Variants in ZIM2 observed in about 807,000 individuals in gnomAD.
ZIM2 encodes the protein zinc finger protein 656.
A neutral mutation model predicts 38.6 loss-of-function variants in ZIM2; 14 were observed. The ratio of observed to expected loss-of-function variants is 0.36; its 90% confidence interval spans 0.24 to 0.57. The LOEUF (loss-of-function observed/expected upper bound fraction) is 0.57. Among genes scored for constraint, ZIM2 ranks in the 20% least tolerant of loss-of-function variants. The probability of loss-of-function intolerance (pLI) is 0.81; values close to 1 mark genes in which losing one functional copy is unlikely to be tolerated. For missense variants in ZIM2, 680 were observed against 695.1 expected, an observed-to-expected ratio of 0.98 and a Z score of 0.24; for synonymous variants, 247 against 245.8, an observed-to-expected ratio of 1.00 and a Z score of -0.04.
chr19:56,775,146 T>G lies in ZIM2; in HGVS notation c.1219A>C (p.Lys407Gln), dbSNP rs2145814527. The G allele has an allele frequency of 6.2e-7, 1 of 1,614,194 alleles. No individual in the cohort carries two copies. Among genetic ancestry groups the G allele is most frequent in the Non-Finnish European group, 8.5e-7 (1 of 1,180,038 alleles). The stretch of plus-strand genomic sequence containing the variant: ...GAAGTCTTCCTACCAGAATGGGTCT[T>G]CTGATGTCTGTTGAGGTGTGGCATG... ...YLMPHLNRHQKTHSGRKTSGC... is the reference protein window; with the variant it reads ...YLMPHLNRHQQTHSGRKTSGC... Residue 407 changes from lysine to glutamine, a missense_variant, in exon 13 of 13, where the codon AAG (lysine) becomes CAG (glutamine). Physicochemically the swap from Lys to Gln is moderately conservative, Grantham distance 53. Transcript: ENST00000629319.
chr19:56,829,487 A>T (rs928321297), intron 2 of ZIM2, among the ~76,000 whole-genome samples: 1 of 152,244 alleles, frequency 6.6e-6, no homozygotes, highest in Non-Finnish European at 1.5e-5. Flanking sequence ...GGAAGGGACG[A>T]GCACCACTGA....
chr19:56,794,504 G>A (rs2047095067), intron 9 of ZIM2, among the ~76,000 whole-genome samples: 3 of 152,090 alleles, frequency 2.0e-5, no homozygotes, highest in Non-Finnish European at 4.4e-5. Flanking sequence ...AAATCATAAC[G>A]TAATGAACAT....
At chr19:56,786,932 G>A (rs982415610) in intron 10 of ZIM2, among the ~76,000 whole-genome samples, 10 of 152,186 alleles carry the variant, frequency 6.6e-5, no homozygotes, top group African/African-American at 2.4e-4. Context: ...CACCTCCTGG[G>A]TTCAAGCAAT....
chr19:56,801,249 A>C (rs1016652291), intron 9 of ZIM2, among the ~76,000 whole-genome samples: 7 of 152,000 alleles, frequency 4.6e-5, no homozygotes, highest in South Asian at 2.1e-4. Flanking sequence ...TTATGGTATT[A>C]ATTTACTATT....
At chr19:56,819,452 G>A (rs922759966) in intron 7 of ZIM2, among the ~76,000 whole-genome samples, 8 of 152,308 alleles carry the variant, frequency 5.3e-5, no homozygotes, top group African/African-American at 1.9e-4. Context: ...AAGGACCTTT[G>A]CTTATTGCCA....
chr19:56,784,791 T>C (rs2046509981), intron 10 of ZIM2, among the ~76,000 whole-genome samples: 4 of 152,182 alleles, frequency 2.6e-5, no homozygotes, highest in African/African-American at 7.2e-5. Context: ...TCATTTACAC[T>C]CTAAAATTTT....
intron 11 of ZIM2, among the ~76,000 whole-genome samples, chr19:56,780,924 A>G (rs1164962099): frequency 6.6e-6 from 1 of 152,210 alleles, no homozygotes; most frequent in African/African-American, 2.4e-5. Flanking sequence ...TTAGGAAGAC[A>G]ATGTCCCAGG....
intron 8 of ZIM2, among the ~76,000 whole-genome samples, chr19:56,818,109 T>C (rs2060146619): frequency 1.3e-5 from 2 of 152,246 alleles, no homozygotes; most frequent in Non-Finnish European, 2.9e-5. Context: ...AGTCTTCACC[T>C]TCTTGTAACC....
At chr19:56,808,271 T>A (rs2047855954) in intron 9 of ZIM2, among the ~76,000 whole-genome samples, 2 of 152,202 alleles carry the variant, frequency 1.3e-5, no homozygotes, top group African/African-American at 4.8e-5. Context: ...AATTCACCCT[T>A]TGGCTTTGTG....
At chr19:56,840,014 A>G (rs1332471918) in intron 1 of ZIM2, among the ~76,000 whole-genome samples, 2 of 152,062 alleles carry the variant, frequency 1.3e-5, no homozygotes, top group Non-Finnish European at 2.9e-5. Flanking sequence ...TCCCACCACC[A>G]CTGCGGCAAA....
chr19:56,819,809 T>C (rs529121216), intron 7 of ZIM2, among the ~76,000 whole-genome samples: 2 of 152,212 alleles, frequency 1.3e-5, no homozygotes, highest in East Asian at 3.9e-4. Flanking sequence ...AAATCTACCA[T>C]AGTTCTATTG....
chr19:56,814,443 T>C lies in ZIM2; in HGVS notation c.490+3303A>G, dbSNP rs2146143904. 6.2e-7 allele frequency: 1 copy of C among 1,614,038 alleles called. No individual in the cohort carries two copies. Among genetic ancestry groups the C allele is most frequent in the South Asian group, 1.1e-5 (1 of 91,082 alleles). On this transcript the variant is annotated intron_variant, in intron 9 of 12. Coordinates refer to ENST00000629319, the MANE Select transcript of ZIM2 (RefSeq NM_001387356.1). This position sits in a 1 kb window ranked among gnomAD's most constrained non-coding sequence, Gnocchi z 5.8. ...TAAAGGACTTACCACAATCCTTGCA[T>C]TCATAGAATGGTATAGCTCCTTTGA...
At chr19:56,822,882 A>T in intron 5 of ZIM2, 46 bp from the exon 6 acceptor site, 2 of 1,590,604 alleles carry the variant, frequency 1.3e-6, no homozygotes, top group Middle Eastern at 3.3e-4. Context: ...TCTTTGACAC[A>T]CCTGTTTTCC....
chr19:56,796,405 T>A (rs1447782724), intron 9 of ZIM2, among the ~76,000 whole-genome samples: 2 of 152,010 alleles, frequency 1.3e-5, no homozygotes, highest in African/African-American at 4.8e-5. Context: ...TTCTTTTTCT[T>A]TTTTTTTAAC....
chr19:56,810,916 G>A (rs2059494747), intron 9 of ZIM2: 4 of 962,480 alleles, frequency 4.2e-6, no homozygotes, highest in Non-Finnish European at 4.9e-6. Context: ...CTGTTATCAG[G>A]ACATTATTAT....
chr19:56,789,737 A>G (rs1386987106), intron 10 of ZIM2, 135 bp downstream of exon 10: 1 of 743,856 alleles, frequency 1.3e-6, no homozygotes, highest in Non-Finnish European at 1.9e-6. Flanking sequence ...AGTCAGAAAA[A>G]AGGCTCAGTA....
At chr19:56,811,046 C>A in intron 9 of ZIM2, 1 of 979,542 alleles carries the variant, frequency 1.0e-6, no homozygotes, top group Non-Finnish European at 1.2e-6. Flanking sequence ...TGCACAGAAA[C>A]AAGAATGAAC....
intron 1 of ZIM2, among the ~76,000 whole-genome samples, chr19:56,838,848 C>T (rs573362329): frequency 5.9e-5 from 9 of 152,314 alleles, no homozygotes; most frequent in African/African-American, 2.2e-4. Flanking sequence ...ACCGTGGCCC[C>T]GCCCCTCCCT....
rs1264527422 is a variant in ZIM2, at chr19:56,775,311, C to G, written c.1054G>C (p.Ala352Pro). The G allele has an allele frequency of 6.2e-7, 1 of 1,614,142 alleles. No homozygotes were observed. Among genetic ancestry groups the G allele is most frequent in the Middle Eastern group, 1.6e-4 (1 of 6,062 alleles). ...APGICTSPQSASQENKHNRCE... is the reference protein window; with the variant it reads ...APGICTSPQSPSQENKHNRCE... ...CTGTTGTGTTTGTTCTCTTGGGATG[C>G]TGACTGGGGACTCGTACATATTCCA... Residue 352 changes from alanine to proline, a missense_variant, in exon 13 of 13, where the codon GCA (alanine) becomes CCA (proline). Transcript: ENST00000629319.
Sources: allele counts gnomAD v4.1 joint callset (sites outside exome capture counted in the v4.1 genomes callset), GRCh38; gene constraint gnomAD v4.1.1; non-coding constraint Gnocchi (gnomAD v3.1); transcripts MANE v1.5; gene names NCBI Gene and HGNC (gene_info 2026-07-23, HGNC 2026-07-21).